The following COL5A2 variants were observed in gnomAD, a reference collection of about 807,000 sequenced individuals.
COL5A2 encodes collagen type V alpha 2 chain, also known as collagen alpha-2(V) chain.
Under a neutral mutation model 208.2 loss-of-function variants are expected in COL5A2, and 23 were observed. The observed-to-expected ratio is 0.11, with a 90% confidence interval of 0.08 to 0.16. The LOEUF (loss-of-function observed/expected upper bound fraction) is 0.16. Ranked by LOEUF, COL5A2 falls within the 10% of genes least tolerant of loss-of-function variation. The pLI is 1.00. For synonymous variants in COL5A2, 625 were observed against 628.5 expected, an observed-to-expected ratio of 0.99 and a Z score of 0.08; for missense variants, 1,590 against 1,956.4, an observed-to-expected ratio of 0.81 and a Z score of 3.53.
At chr2:189,220,030 TA>T (rs1189669268) in intron 1 of COL5A2, among the ~76,000 whole-genome samples, 1 of 152,178 alleles carries the variant, frequency 6.6e-6, no homozygotes, top group Non-Finnish European at 1.5e-5. Flanking sequence ...AATGGCCTAT[TA>T]TAATGTCTCA....
the COL5A2 span, among the ~76,000 whole-genome samples, chr2:189,338,504 T>A: frequency 6.6e-6 from 1 of 152,168 alleles, no homozygotes; most frequent in East Asian, 1.9e-4. Context: ...TCTTCTCCGT[T>A]CCTAGCCAGC....
At chr2:189,147,046 C>T (rs1309881218) in intron 1 of COL5A2, among the ~76,000 whole-genome samples, 1 of 152,154 alleles carries the variant, frequency 6.6e-6, no homozygotes, top group Non-Finnish European at 1.5e-5. Context: ...GAAACCAATT[C>T]CGGAATCCAA....
At chr2:189,221,432 T>C (rs1179398121) in intron 1 of COL5A2, among the ~76,000 whole-genome samples, 1 of 152,126 alleles carries the variant, frequency 6.6e-6, no homozygotes, top group Non-Finnish European at 1.5e-5. Flanking sequence ...ACCTTGCTGC[T>C]CAGGATATGA....
chr2:189,103,203 A>C (rs1457983652), intron 3 of COL5A2, among the ~76,000 whole-genome samples: 3 of 152,028 alleles, frequency 2.0e-5, no homozygotes, highest in African/African-American at 7.2e-5. Context: ...GCTAAGTTTC[A>C]ATTTATTTTC....
the COL5A2 span, among the ~76,000 whole-genome samples, chr2:189,394,584 T>G: frequency 6.6e-6 from 1 of 152,216 alleles, no homozygotes; most frequent in Non-Finnish European, 1.5e-5. Context: ...GATCTCAGAC[T>G]TCCATCTTCC....
the COL5A2 span, among the ~76,000 whole-genome samples, chr2:189,330,237 T>C: frequency 8.5e-5 from 13 of 152,154 alleles, no homozygotes; most frequent in East Asian, 1.9e-3. Context: ...CTTCAAAATG[T>C]AGGAAGAGAG....
chr2:189,104,340 A>G (rs568902664), intron 2 of COL5A2, 63 bp from the exon 3 acceptor site: 136 of 1,101,980 alleles, frequency 1.2e-4, no homozygotes, highest in Non-Finnish European at 1.8e-4. Context: ...AATCTGCTAA[A>G]TATTTACTTT....
the COL5A2 span, among the ~76,000 whole-genome samples, chr2:189,422,225 TATA>T: frequency 1.3e-5 from 2 of 152,094 alleles, no homozygotes; most frequent in Non-Finnish European, 2.9e-5. Context: ...ACAAAACATT[TATA>T]ATAACTGTTT....
intron 1 of COL5A2, among the ~76,000 whole-genome samples, chr2:189,112,415 A>G (rs1687302134): frequency 6.6e-6 from 1 of 152,242 alleles, no homozygotes; most frequent in South Asian, 2.1e-4. Context: ...CAATACAGAT[A>G]TTAATACAAA....
At chr2:189,353,908 T>C in the COL5A2 span, among the ~76,000 whole-genome samples, 6 of 152,224 alleles carry the variant, frequency 3.9e-5, no homozygotes, top group Middle Eastern at 3.2e-3. Flanking sequence ...CCATTTAGTA[T>C]GATATTGGCT....
chr2:189,190,526 A>G, intron 1 of COL5A2, among the ~76,000 whole-genome samples: 1 of 152,374 alleles, frequency 6.6e-6, no homozygotes, highest in East Asian at 1.9e-4. Context: ...GAGTTATTTT[A>G]TTAATTTATG....
intron 51 of COL5A2, among the ~76,000 whole-genome samples, chr2:189,037,529 T>C (rs1415362790): frequency 6.6e-6 from 1 of 152,208 alleles, no homozygotes; most frequent in Non-Finnish European, 1.5e-5. Context: ...GCTATTCCTG[T>C]CAATGTCATT....
the COL5A2 span, among the ~76,000 whole-genome samples, chr2:189,438,579 G>A: frequency 1.3e-5 from 2 of 152,082 alleles, no homozygotes; most frequent in African/African-American, 4.8e-5. Flanking sequence ...GACTGAAAAG[G>A]TTACATACTA....
At chr2:189,154,699 C>T (rs776974381) in intron 1 of COL5A2, among the ~76,000 whole-genome samples, 3 of 151,910 alleles carry the variant, frequency 2.0e-5, no homozygotes, top group Non-Finnish European at 2.9e-5. Context: ...TTGACTCAAG[C>T]AATCTTCCCA....
chr2:189,221,521 AAATAAT>A (rs928554647), intron 1 of COL5A2, among the ~76,000 whole-genome samples: 1 of 151,840 alleles, frequency 6.6e-6, no homozygotes, highest in African/African-American at 2.4e-5. Context: ...TGAAAGGCTA[AAATAAT>A]AATAATAATA....
At chr2:189,240,020 T>C in the COL5A2 span, among the ~76,000 whole-genome samples, 5 of 152,138 alleles carry the variant, frequency 3.3e-5, no homozygotes, top group African/African-American at 1.2e-4. Flanking sequence ...GTTATAGCAG[T>C]GTTAGAAAAC....
the COL5A2 span, among the ~76,000 whole-genome samples, chr2:189,391,353 T>C: frequency 6.6e-6 from 1 of 152,268 alleles, no homozygotes; most frequent in South Asian, 2.1e-4. Flanking sequence ...TAGTAGGAAT[T>C]ACATAAACCA....
At chr2:189,204,034 A>G (rs1404066888) in intron 1 of COL5A2, among the ~76,000 whole-genome samples, 1 of 151,972 alleles carries the variant, frequency 6.6e-6, no homozygotes, top group Non-Finnish European at 1.5e-5. Context: ...AGTAGCTGGG[A>G]CTACAGTCGC....
chr2:189,243,630 T>C, the COL5A2 span, among the ~76,000 whole-genome samples: 5 of 152,188 alleles, frequency 3.3e-5, no homozygotes, highest in South Asian at 2.1e-4. Flanking sequence ...CCAAACCATA[T>C]CATTCAGCCC....
Sources: gnomAD v4.1 joint callset for allele counts (sites outside exome capture counted in the v4.1 genomes callset) on GRCh38, gnomAD v4.1.1 for gene constraint, MANE v1.5 for transcripts, NCBI Gene and HGNC (gene_info 2026-07-23, HGNC 2026-07-21) for gene names.